LMO1: variants seen among roughly 807,000 people sequenced by gnomAD.
LMO1 encodes the protein LIM domain only 1.
Under a neutral mutation model 18.0 loss-of-function variants are expected in LMO1, and 10 were observed. That is an observed-to-expected ratio of 0.55 (90% CI 0.34 to 0.94). The LOEUF is 0.94. Ranked by LOEUF, LMO1 falls within the 40% of genes least tolerant of loss-of-function variation. LMO1 has a pLI of 0.02. For missense variants in LMO1, 183 were observed against 205.7 expected (o/e 0.89, Z 0.68); for synonymous variants, 77 against 77.9 (o/e 0.99, Z 0.06).
chr11:8,268,582 C>G, upstream of LMO1: 1 of 571,570 alleles, frequency 1.7e-6, no homozygotes, highest in Non-Finnish European at 2.5e-6. Flanking sequence ...CGACCGCCGA[C>G]GGGGGCAGAC....
At chr11:8,241,786 C>CA (rs10706352) in intron 1 of LMO1, among the ~76,000 whole-genome samples, 2,053 of 118,216 alleles carry the variant, frequency 0.017, 32 homozygotes, top group African/African-American at 0.044. Flanking sequence ...CTGTGAGTTT[C>CA]AAAAAAAAAA....
chr11:8,236,830 T>C (rs746279483), intron 1 of LMO1, among the ~76,000 whole-genome samples: 1 of 152,216 alleles, frequency 6.6e-6, no homozygotes, highest in African/African-American at 2.4e-5. Context: ...TGAAAATACA[T>C]ACCCATGCAT....
chr11:8,253,474 G>T (rs1321546364), intron 1 of LMO1, among the ~76,000 whole-genome samples: 1 of 152,154 alleles, frequency 6.6e-6, no homozygotes, highest in Non-Finnish European at 1.5e-5. Flanking sequence ...GAATGACTTA[G>T]CAGCAGAGGC....
intron 3 of LMO1, 107 bp from the exon 4 acceptor site, chr11:8,224,828 TGG>T: frequency 1.4e-6 from 1 of 714,314 alleles, no homozygotes. Context: ...ATGTGGGAGG[TGG>T]TGGGGGGAGT....
chr11:8,266,261 G>A (rs1032083352), upstream of LMO1, among the ~76,000 whole-genome samples: 7 of 152,168 alleles, frequency 4.6e-5, no homozygotes, highest in African/African-American at 1.7e-4. Flanking sequence ...CAGCCAGGAA[G>A]GGGCTTGCTG....
intron 1 of LMO1, among the ~76,000 whole-genome samples, chr11:8,235,543 A>G (rs1952747456): frequency 6.6e-6 from 1 of 152,218 alleles, no homozygotes; most frequent in African/African-American, 2.4e-5. Flanking sequence ...GATTTTACCA[A>G]TTTCTTCAAA....
At chr11:8,244,148 C>A (rs1161883282) in intron 1 of LMO1, among the ~76,000 whole-genome samples, 2 of 152,112 alleles carry the variant, frequency 1.3e-5, no homozygotes, top group African/African-American at 4.8e-5. Flanking sequence ...CACAGGGAGC[C>A]CTTTCTGGAA....
At chr11:8,254,631 TGGCCCTGG>T (rs1471846553) in intron 1 of LMO1, among the ~76,000 whole-genome samples, 1 of 63,812 alleles carries the variant, frequency 1.6e-5, no homozygotes, top group Non-Finnish European at 5.3e-5. Flanking sequence ...CCACCGAGGC[TGGCCCTGG>T]GAGGAATGGA....
At chr11:8,253,162 G>A (rs147992721) in intron 1 of LMO1, among the ~76,000 whole-genome samples, 2 of 152,210 alleles carry the variant, frequency 1.3e-5, no homozygotes, top group Admixed American at 6.5e-5. Context: ...CTGGGCAGAC[G>A]AGGAAAGTGG....
intron 1 of LMO1, among the ~76,000 whole-genome samples, chr11:8,247,161 G>T (rs74598873): frequency 6.6e-6 from 1 of 152,206 alleles, no homozygotes; most frequent in African/African-American, 2.4e-5. Flanking sequence ...CCCATGGCAG[G>T]GGGGTCCCTC....
At chr11:8,243,127 T>C (rs1421880274) in intron 1 of LMO1, among the ~76,000 whole-genome samples, 1 of 152,120 alleles carries the variant, frequency 6.6e-6, no homozygotes, top group East Asian at 1.9e-4. Flanking sequence ...CCCCTTTGGC[T>C]GGGGCTGAGA....
Position 8,229,009 on chromosome 11 carries a change from T to G in LMO1, c.239+1282A>C, listed in dbSNP as rs908594633. Among the ~76,000 whole-genome samples the G allele has an allele frequency of 3.3e-5, 5 of 151,672 alleles. 1 individual carries two copies. The highest frequency in any genetic ancestry group is 3.3e-4 in the Admixed American group (5 of 15,246). On this transcript the variant is annotated intron_variant, in intron 2 of 3. Transcript: ENST00000335790. Reference sequence around the variant, plus strand: ...CTCAAGCAATCCTTCCACTTCAGCCTCCTGAGTAGTTGGGACTACAGGCAT... The same window carrying G: ...CTCAAGCAATCCTTCCACTTCAGCCGCCTGAGTAGTTGGGACTACAGGCAT...
intron 1 of LMO1, among the ~76,000 whole-genome samples, chr11:8,248,859 G>A (rs1846939892): frequency 6.6e-6 from 1 of 152,190 alleles, no homozygotes; most frequent in African/African-American, 2.4e-5. Flanking sequence ...CAGGCCCACA[G>A]TCTTTGGCTC....
chr11:8,225,660 C>T (rs145543791), intron 3 of LMO1, among the ~76,000 whole-genome samples: 3 of 152,256 alleles, frequency 2.0e-5, no homozygotes, highest in Non-Finnish European at 4.4e-5. Flanking sequence ...GGGAAGATTC[C>T]GGTCCTTTCC....
At chr11:8,249,681 C>T (rs1038765506) in intron 1 of LMO1, among the ~76,000 whole-genome samples, 1 of 152,176 alleles carries the variant, frequency 6.6e-6, no homozygotes, top group Admixed American at 6.5e-5. Context: ...TGTAGCGCTG[C>T]CAACCCTGAC....
At chr11:8,225,490 C>G (rs1316512028) in intron 3 of LMO1, among the ~76,000 whole-genome samples, 1 of 151,542 alleles carries the variant, frequency 6.6e-6, no homozygotes, top group African/African-American at 2.4e-5. Flanking sequence ...CCGTCTATCC[C>G]TCTCCCCAAT....
intron 1 of LMO1, among the ~76,000 whole-genome samples, chr11:8,245,339 C>G (rs1846876440): frequency 6.6e-6 from 1 of 152,080 alleles, no homozygotes; most frequent in African/African-American, 2.4e-5. Flanking sequence ...TGCCATCGAC[C>G]CATATTGTGA....
intron 1 of LMO1, among the ~76,000 whole-genome samples, chr11:8,258,943 GA>G (rs1437920889): frequency 6.6e-6 from 1 of 152,188 alleles, no homozygotes; most frequent in Non-Finnish European, 1.5e-5. Flanking sequence ...TAATGCTCCT[GA>G]AAGGCTCTCT....
intron 2 of LMO1, among the ~76,000 whole-genome samples, chr11:8,227,678 ACCTAGGAGGTGGT>A (rs1403370656): frequency 6.6e-6 from 1 of 152,122 alleles, no homozygotes; most frequent in Non-Finnish European, 1.5e-5. Context: ...CTCACAACAA[ACCTAGGAGGTGGT>A]ACTATTATTA....
Sources: gnomAD v4.1 joint callset for allele counts (sites outside exome capture counted in the v4.1 genomes callset) on GRCh38, gnomAD v4.1.1 for gene constraint, MANE v1.5 for transcripts, NCBI Gene and HGNC (gene_info 2026-07-23, HGNC 2026-07-21) for gene names.